ADAM10: variants seen among roughly 807,000 people sequenced by gnomAD.
The protein encoded by ADAM10 is ADAM metallopeptidase domain 10, also known as disintegrin and metalloproteinase domain-containing protein 10.
In ADAM10, 17 loss-of-function variants were observed where a neutral mutation model predicts 90.1. The observed-to-expected ratio is 0.19, with a 90% CI of 0.13 to 0.28. The LOEUF is 0.28. ADAM10 is among the 10% of genes least tolerant of loss of function. The pLI is 1.00. For synonymous variants in ADAM10, 310 were observed against 298.6 expected (o/e 1.04, Z -0.40); for missense variants, 610 against 914.3 (o/e 0.67, Z 4.29).
chr15:58,712,665 CA>C (rs373223375), intron 2 of ADAM10, among the ~76,000 whole-genome samples: 30 of 143,360 alleles, frequency 2.1e-4, no homozygotes, highest in African/African-American at 3.4e-4. Flanking sequence ...TAAAAAATAC[CA>C]AAAAAAAAAA....
chr15:58,688,786 A>ATATATC, intron 2 of ADAM10, among the ~76,000 whole-genome samples: 12 of 122,374 alleles, frequency 9.8e-5, no homozygotes, highest in African/African-American at 2.5e-4. Flanking sequence ...ATATATATAT[A>ATATATC]TCTCTCTCTC....
chr15:58,707,719 T>C (rs1268098926), intron 2 of ADAM10, among the ~76,000 whole-genome samples: 3 of 152,214 alleles, frequency 2.0e-5, no homozygotes, highest in African/African-American at 4.8e-5. Context: ...AAAAGTTTTC[T>C]ATAAACACTT....
chr15:58,601,404 T>A (rs375935721), intron 14 of ADAM10, among the ~76,000 whole-genome samples: 2 of 152,052 alleles, frequency 1.3e-5, no homozygotes, highest in East Asian at 3.9e-4. Context: ...GAGGTTACAG[T>A]GAGCCGAGAT....
chr15:58,716,850 A>G (rs1898677320), intron 2 of ADAM10, among the ~76,000 whole-genome samples: 1 of 152,100 alleles, frequency 6.6e-6, no homozygotes, highest in African/African-American at 2.4e-5. Context: ...TAAGACAGAG[A>G]GGGCTTCACA....
chr15:58,619,543 T>C (rs763092643), intron 11 of ADAM10, among the ~76,000 whole-genome samples: 6 of 152,224 alleles, frequency 3.9e-5, no homozygotes, highest in African/African-American at 7.2e-5. Flanking sequence ...GATCATTAGA[T>C]ATTGTATGCA....
chr15:58,615,371 A>G (rs1410207475), intron 11 of ADAM10, among the ~76,000 whole-genome samples: 1 of 152,120 alleles, frequency 6.6e-6, no homozygotes, highest in Non-Finnish European at 1.5e-5. Context: ...ACACCAATGA[A>G]ATCCCCCTAC....
At chr15:58,735,462 T>C (rs764886518) in intron 1 of ADAM10, among the ~76,000 whole-genome samples, 5 of 152,176 alleles carry the variant, frequency 3.3e-5, no homozygotes, top group Non-Finnish European at 7.4e-5. Flanking sequence ...CCCACAGATA[T>C]CCAAATCCAT....
At chr15:58,710,368 C>A (rs925765683) in intron 2 of ADAM10, among the ~76,000 whole-genome samples, 2 of 152,166 alleles carry the variant, frequency 1.3e-5, no homozygotes, top group Admixed American at 1.3e-4. Flanking sequence ...TTCACATACC[C>A]TTTTGTCAGC....
intron 7 of ADAM10, among the ~76,000 whole-genome samples, chr15:58,641,862 G>A (rs750234893): frequency 6.6e-5 from 10 of 152,128 alleles, no homozygotes; most frequent in Non-Finnish European, 1.0e-4. Context: ...TGACATAATG[G>A]TTGATACAAC....
At chr15:58,692,788 T>C (rs1418165337) in intron 2 of ADAM10, 1 of 622,924 alleles carries the variant, frequency 1.6e-6, no homozygotes. Context: ...TGCCACCAGG[T>C]AGGCAGAATA....
intron 2 of ADAM10, among the ~76,000 whole-genome samples, chr15:58,709,828 C>T (rs1898416397): frequency 6.6e-6 from 1 of 152,172 alleles, no homozygotes; most frequent in African/African-American, 2.4e-5. Context: ...GAAACAATTT[C>T]TCCAAAGAAT....
intron 2 of ADAM10, among the ~76,000 whole-genome samples, chr15:58,706,285 G>A (rs1898285554): frequency 6.6e-6 from 1 of 152,182 alleles, no homozygotes; most frequent in African/African-American, 2.4e-5. Flanking sequence ...GAGTCCCAGA[G>A]ACAAGCAGTG....
At chr15:58,736,618 A>G (rs1899439367) in intron 1 of ADAM10, among the ~76,000 whole-genome samples, 1 of 152,158 alleles carries the variant, frequency 6.6e-6, no homozygotes, top group Non-Finnish European at 1.5e-5. Context: ...AAAATAATAT[A>G]TTATTAAAAA....
chr15:58,621,665 T>C, intron 10 of ADAM10, 44 bp from the exon 11 acceptor site: 2 of 1,607,036 alleles, frequency 1.2e-6, no homozygotes, highest in Non-Finnish European at 1.7e-6. Context: ...TGTGCACACA[T>C]TAATTTTATT....
chr15:58,710,177 G>T lies in ADAM10; in HGVS notation c.206+7400C>A, dbSNP rs540443916. Among the ~76,000 whole-genome samples the T allele has an allele frequency of 3.3e-5, 5 of 152,274 alleles. No individual in the cohort carries two copies. The East Asian group carries it at 9.6e-4, about 29-fold the overall frequency. Reference sequence around the variant, plus strand: ...GCCTATAGTCCCAGCTACTCGGGAGGCTGAGGCTGGAGAATCACTTAAACC... The same window carrying T: ...GCCTATAGTCCCAGCTACTCGGGAGTCTGAGGCTGGAGAATCACTTAAACC... On this transcript the variant is annotated intron_variant, in intron 2 of 15. Coordinates refer to ENST00000260408, the MANE Select transcript of ADAM10 (RefSeq NM_001110.4).
chr15:58,675,965 G>C (rs142970692), intron 4 of ADAM10, among the ~76,000 whole-genome samples: 1 of 152,172 alleles, frequency 6.6e-6, no homozygotes, highest in African/African-American at 2.4e-5. Context: ...CAATAATGCA[G>C]TACTTTACTT....
intron 2 of ADAM10, among the ~76,000 whole-genome samples, chr15:58,708,910 G>T (rs1034979674): frequency 2.6e-5 from 4 of 152,132 alleles, no homozygotes; most frequent in African/African-American, 9.7e-5. Flanking sequence ...ATGACTTTAA[G>T]AAATTAAACA....
At chr15:58,713,710 G>A (rs920815631) in intron 2 of ADAM10, among the ~76,000 whole-genome samples, 19 of 152,066 alleles carry the variant, frequency 1.2e-4, no homozygotes, top group Non-Finnish European at 5.9e-5. Context: ...AAGTATTACT[G>A]GAGTTGTTTC....
At chr15:58,603,124 T>C (rs1404097029) in intron 14 of ADAM10, among the ~76,000 whole-genome samples, 2 of 152,208 alleles carry the variant, frequency 1.3e-5, no homozygotes, top group Non-Finnish European at 2.9e-5. Flanking sequence ...TTGTTTTCTA[T>C]AAAAATTGTG....
Sources: gnomAD v4.1 joint callset for allele counts (sites outside exome capture counted in the v4.1 genomes callset) on GRCh38, gnomAD v4.1.1 for gene constraint, MANE v1.5 for transcripts, NCBI Gene and HGNC (gene_info 2026-07-23, HGNC 2026-07-21) for gene names.